The following GRID2 variants were observed in gnomAD, a reference collection of about 807,000 sequenced individuals.
GRID2 encodes glutamate receptor ionotropic, delta-2.
A neutral mutation model predicts 114.8 loss-of-function variants in GRID2; 33 were observed. The observed-to-expected ratio is 0.29, with a 90% CI of 0.22 to 0.38. The LOEUF is 0.38. Among genes scored for constraint, GRID2 ranks in the 10% least tolerant of loss-of-function variants. The pLI is 1.00. For missense variants in GRID2, 1,184 were observed against 1,257.7 expected (o/e 0.94, Z 0.89); for synonymous variants, 505 against 449.9 (o/e 1.12, Z -1.55).
chr4:92,983,380 G>A (rs1754331655), intron 2 of GRID2, among the ~76,000 whole-genome samples: 1 of 151,982 alleles, frequency 6.6e-6, no homozygotes, highest in Non-Finnish European at 1.5e-5. Context: ...CCATTCACAA[G>A]AAAGGAACCC....
chr4:92,704,604 T>C lies in GRID2; in HGVS notation c.244+114318T>C, dbSNP rs977402238. Among the ~76,000 whole-genome samples the C allele has an allele frequency of 2.6e-5, 4 of 152,250 alleles. No homozygotes were observed. In the South Asian group the frequency reaches 6.2e-4, roughly 24 times the overall value. ...ATTATCATAGAATGGATAACAGTGA[T>C]TGTATAGATGATGGAGACCTTTCTT... On this transcript the variant is annotated intron_variant, in intron 2 of 15. Transcript: ENST00000282020.
At chr4:92,773,034 T>A (rs562759736) in intron 2 of GRID2, among the ~76,000 whole-genome samples, 1 of 152,212 alleles carries the variant, frequency 6.6e-6, no homozygotes, top group African/African-American at 2.4e-5. Context: ...ATTTGTATTA[T>A]CTGCCATAGG....
At chr4:93,730,686 G>A (rs1257084917) in intron 14 of GRID2, among the ~76,000 whole-genome samples, 1 of 152,168 alleles carries the variant, frequency 6.6e-6, no homozygotes, top group Admixed American at 6.5e-5. Context: ...AGGGCAGGGG[G>A]TTGACAAGAA....
intron 2 of GRID2, among the ~76,000 whole-genome samples, chr4:92,723,986 T>C (rs747360284): frequency 3.3e-5 from 5 of 152,194 alleles, no homozygotes; most frequent in Non-Finnish European, 7.3e-5. Context: ...CCACTGTGAA[T>C]TAGATATATT....
chr4:92,700,157 C>T lies in GRID2; in HGVS notation c.244+109871C>T, dbSNP rs558874200. On this transcript the variant is annotated intron_variant, in intron 2 of 15. Coordinates refer to ENST00000282020, the MANE Select transcript of GRID2 (RefSeq NM_001510.4). ...AAACTCAGCTGGGTTAGGAGTTTTC[C>T]TCTCAACAGACAAGTCTTGGGAAAG... 1.6e-4 allele frequency among the ~76,000 whole-genome samples: 24 copies of T among 152,218 alleles called. No individual in the cohort carries two copies. In the East Asian group the frequency reaches 4.4e-3, roughly 28 times the overall value.
At chr4:93,185,256 A>G (rs980416871) in intron 4 of GRID2, among the ~76,000 whole-genome samples, 8 of 152,184 alleles carry the variant, frequency 5.3e-5, no homozygotes, top group Admixed American at 1.3e-4. Context: ...ACAGTCCTCT[A>G]TGTGGTAAGA....
At chr4:93,694,065 A>T (rs942560760) in intron 14 of GRID2, among the ~76,000 whole-genome samples, 2 of 152,190 alleles carry the variant, frequency 1.3e-5, no homozygotes, top group African/African-American at 4.8e-5. Context: ...TTGTACCATG[A>T]CGGAAAAGAA....
At chr4:92,901,397 T>G in intron 2 of GRID2, among the ~76,000 whole-genome samples, 1 of 152,146 alleles carries the variant, frequency 6.6e-6, no homozygotes, top group East Asian at 1.9e-4. Flanking sequence ...TTAGTATTTT[T>G]CAGTTGCATA....
chr4:92,674,179 A>G (rs62310178), intron 2 of GRID2, among the ~76,000 whole-genome samples: 1 of 152,088 alleles, frequency 6.6e-6, no homozygotes, highest in Non-Finnish European at 1.5e-5. Flanking sequence ...TCATCAAATT[A>G]AGTAAAAACA....
chr4:93,284,953 A>G (rs1250558601), intron 8 of GRID2, among the ~76,000 whole-genome samples: 2 of 152,070 alleles, frequency 1.3e-5, no homozygotes, highest in African/African-American at 4.8e-5. Context: ...TGAGTAAGTG[A>G]ATAAATGCTA....
chr4:93,012,659 A>T (rs1159270549), intron 2 of GRID2, among the ~76,000 whole-genome samples: 4 of 138,660 alleles, frequency 2.9e-5, no homozygotes, highest in African/African-American at 1.1e-4. Flanking sequence ...AAAAAGAGCA[A>T]AGGATACTAT....
chr4:92,792,043 G>T (rs1448117685), intron 2 of GRID2, among the ~76,000 whole-genome samples: 1 of 151,774 alleles, frequency 6.6e-6, no homozygotes, highest in Non-Finnish European at 1.5e-5. Context: ...TGTCCTCAGT[G>T]AGCCGTGGCC....
intron 2 of GRID2, among the ~76,000 whole-genome samples, chr4:92,594,061 C>T (rs1309776933): frequency 1.3e-5 from 2 of 150,960 alleles, no homozygotes; most frequent in African/African-American, 4.9e-5. Context: ...AATAATTTTC[C>T]CTAGTTCTTC....
At chr4:93,274,298 C>T (rs530956488) in intron 8 of GRID2, among the ~76,000 whole-genome samples, 163 of 152,164 alleles carry the variant, frequency 1.1e-3, no homozygotes, top group African/African-American at 2.3e-3. Flanking sequence ...GTAACACCTT[C>T]GGTTACACCA....
chr4:92,440,282 T>C lies in GRID2; in HGVS notation c.88+135538T>C. 1.4e-5 allele frequency among the ~76,000 whole-genome samples: 2 copies of C among 146,034 alleles called. 1 individual carries two copies. Among genetic ancestry groups the C allele is most frequent in the South Asian group, 4.6e-4 (2 of 4,322 alleles). The stretch of plus-strand genomic sequence containing the variant: ...TGAAAAACTGCTTGGCTGATTTGAC[T>C]AATAAAGGCTGGTCTATTATCAGAC... On this transcript the variant is annotated intron_variant, in intron 1 of 15. Transcript: ENST00000282020.
intron 2 of GRID2, among the ~76,000 whole-genome samples, chr4:92,738,258 T>C (rs1736699741): frequency 6.6e-6 from 1 of 152,138 alleles, no homozygotes; most frequent in Non-Finnish European, 1.5e-5. Flanking sequence ...ATAAGCTCTC[T>C]TTCAGATGGA....
At chr4:92,304,769 T>C in intron 1 of GRID2, 25 bp downstream of exon 1, 1 of 1,514,854 alleles carries the variant, frequency 6.6e-7, no homozygotes, top group South Asian at 1.1e-5. Flanking sequence ...GTGCAGCTCG[T>C]GGTTACTTTT....
intron 1 of GRID2, among the ~76,000 whole-genome samples, chr4:92,398,745 AAATG>A (rs1443620841): frequency 6.6e-6 from 1 of 152,054 alleles, no homozygotes; most frequent in Non-Finnish European, 1.5e-5. Context: ...TGAAGGAAAA[AAATG>A]AAAGAAAGAC....
chr4:93,776,107 CAT>C (rs1344490028), downstream of GRID2, among the ~76,000 whole-genome samples: 1 of 152,096 alleles, frequency 6.6e-6, no homozygotes, highest in Admixed American at 6.5e-5. Context: ...TGCTGGTAAA[CAT>C]AGGTTTTATC....
Sources: gnomAD v4.1 joint callset for allele counts (sites outside exome capture counted in the v4.1 genomes callset) on GRCh38, gnomAD v4.1.1 for gene constraint, MANE v1.5 for transcripts, NCBI Gene and HGNC (gene_info 2026-07-23, HGNC 2026-07-21) for gene names.